NKAIN2: variants seen among roughly 807,000 people sequenced by gnomAD.
NKAIN2 encodes the protein sodium/potassium-transporting ATPase subunit beta-1-interacting protein 2.
NKAIN2 carries 14 observed loss-of-function variants against 32.6 expected under a neutral mutation model. The observed-to-expected ratio is 0.43, with a 90% CI of 0.28 to 0.67. The LOEUF (loss-of-function observed/expected upper bound fraction) is 0.67. Among genes scored for constraint, NKAIN2 ranks in the 30% least tolerant of loss-of-function variants. The pLI is 0.17. For missense variants in NKAIN2, 198 were observed against 258.3 expected, an observed-to-expected ratio of 0.77 and a Z score of 1.60; for synonymous variants, 80 against 87.2, an observed-to-expected ratio of 0.92 and a Z score of 0.46.
chr6:124,243,147 A>G (rs544558554), intron 1 of NKAIN2, among the ~76,000 whole-genome samples: 6 of 152,164 alleles, frequency 3.9e-5, no homozygotes, highest in Admixed American at 3.9e-4. Flanking sequence ...AGTAGGTTTC[A>G]AAACAATCAC....
In NKAIN2 at chr6:124,755,896, TA is replaced by T. The variant is rs535625079; in HGVS notation, c.475-35440del. Among the ~76,000 whole-genome samples, 239 of 152,312 alleles carry T rather than the reference TA, an allele frequency of 1.6e-3. 3 individuals are homozygous for T. The highest frequency in any genetic ancestry group is 5.3e-3 in the African/African-American group (220 of 41,586). ...GTTTAAAAAATTTTTTAAACATTTTTAAATGAAAATGTTAAATTTGATATAA... is the reference window on the plus strand; with the variant it reads ...GTTTAAAAAATTTTTTAAACATTTTTAATGAAAATGTTAAATTTGATATAA... On this transcript the variant is annotated intron_variant, in intron 4 of 6. Coordinates refer to ENST00000368417, the MANE Select transcript of NKAIN2 (RefSeq NM_001040214.3).
chr6:123,838,936 A>G (rs1774745012), intron 1 of NKAIN2, among the ~76,000 whole-genome samples: 3 of 152,202 alleles, frequency 2.0e-5, no homozygotes, highest in Admixed American at 2.0e-4. Context: ...GTTTTCTCGC[A>G]TATGGATAAT....
At chr6:124,116,523 G>T (rs2114980438) in intron 1 of NKAIN2, among the ~76,000 whole-genome samples, 1 of 152,068 alleles carries the variant, frequency 6.6e-6, no homozygotes, top group Middle Eastern at 3.4e-3. Context: ...TTACTTTAAT[G>T]CAGATTTTCT....
chr6:124,432,446 A>T (rs565864710), intron 3 of NKAIN2, among the ~76,000 whole-genome samples: 1 of 152,038 alleles, frequency 6.6e-6, no homozygotes, highest in Non-Finnish European at 1.5e-5. Flanking sequence ...CTCTATTTAA[A>T]ATTATAAAGC....
intron 4 of NKAIN2, among the ~76,000 whole-genome samples, chr6:124,668,806 A>G (rs781473): frequency 0.41 from 62,138 of 151,990 alleles, 13,920 homozygotes; most frequent in Admixed American, 0.5. Context: ...TAAAAATTAG[A>G]GGCAGGTTGT....
chr6:123,849,492 G>C (rs745602741), intron 1 of NKAIN2, among the ~76,000 whole-genome samples: 1 of 152,128 alleles, frequency 6.6e-6, no homozygotes, highest in Non-Finnish European at 1.5e-5. Context: ...TAGGAAGCCA[G>C]GGGGATAGAG....
intron 3 of NKAIN2, among the ~76,000 whole-genome samples, chr6:124,398,865 AT>A (rs745577827): frequency 6.6e-6 from 1 of 152,190 alleles, no homozygotes; most frequent in Non-Finnish European, 1.5e-5. Flanking sequence ...ATATTTGAAA[AT>A]TATCCCCATC....
At chr6:124,457,966 G>A (rs902037099) in intron 3 of NKAIN2, among the ~76,000 whole-genome samples, 2 of 151,928 alleles carry the variant, frequency 1.3e-5, no homozygotes, top group African/African-American at 4.8e-5. Context: ...AGATGCTAAA[G>A]AGATTGCTTT....
chr6:124,692,270 CTT>C (rs1472667288), intron 4 of NKAIN2, among the ~76,000 whole-genome samples: 2 of 152,240 alleles, frequency 1.3e-5, no homozygotes, highest in South Asian at 2.1e-4. Context: ...ACAAAAATAA[CTT>C]TGCTGTTTTT....
At chr6:124,279,515 A>G (rs1468895488) in intron 1 of NKAIN2, among the ~76,000 whole-genome samples, 1 of 116,632 alleles carries the variant, frequency 8.6e-6, no homozygotes, top group African/African-American at 3.3e-5. Flanking sequence ...CATCTCAAAA[A>G]AAAAAAAAAA....
chr6:124,700,942 T>C (rs1774751428), intron 4 of NKAIN2, among the ~76,000 whole-genome samples: 1 of 148,134 alleles, frequency 6.8e-6, no homozygotes, highest in African/African-American at 2.5e-5. Context: ...TGCGTGAATA[T>C]AGAAAATACA....
intron 1 of NKAIN2, among the ~76,000 whole-genome samples, chr6:124,077,289 T>C (rs1465800777): frequency 2.0e-5 from 3 of 152,214 alleles, no homozygotes; most frequent in Non-Finnish European, 4.4e-5. Context: ...TTTTCCATTA[T>C]TATTCTAATT....
chr6:124,516,201 A>G (rs1285304207), intron 3 of NKAIN2, among the ~76,000 whole-genome samples: 1 of 152,166 alleles, frequency 6.6e-6, no homozygotes, highest in African/African-American at 2.4e-5. Context: ...TAAGTGCTAT[A>G]AAAAGAGAAA....
At chr6:124,264,330 A>C (rs1794386634) in intron 1 of NKAIN2, among the ~76,000 whole-genome samples, 1 of 152,154 alleles carries the variant, frequency 6.6e-6, no homozygotes, top group Non-Finnish European at 1.5e-5. Context: ...TGCCTCTGTC[A>C]CTGCCCAGTC....
chr6:124,395,637 T>A (rs1773346273), intron 3 of NKAIN2, among the ~76,000 whole-genome samples: 1 of 152,168 alleles, frequency 6.6e-6, no homozygotes, highest in Non-Finnish European at 1.5e-5. Flanking sequence ...AATGTAATAT[T>A]AAATTCCTCT....
At chr6:123,975,373 A>G (rs1386611180) in intron 1 of NKAIN2, among the ~76,000 whole-genome samples, 1 of 152,224 alleles carries the variant, frequency 6.6e-6, no homozygotes, top group East Asian at 1.9e-4. Context: ...ATTGAATTAT[A>G]CAAAAACTGA....
chr6:124,001,069 G>C (rs978860242), intron 1 of NKAIN2, among the ~76,000 whole-genome samples: 1 of 152,010 alleles, frequency 6.6e-6, no homozygotes, highest in Non-Finnish European at 1.5e-5. Flanking sequence ...AGTGGAATTG[G>C]AATGTGAAAA....
intron 3 of NKAIN2, among the ~76,000 whole-genome samples, chr6:124,436,732 C>A (rs948963014): frequency 3.3e-5 from 5 of 152,186 alleles, no homozygotes; most frequent in Non-Finnish European, 7.3e-5. Flanking sequence ...GATCTCCTGT[C>A]TGGCCTCTCA....
intron 1 of NKAIN2, among the ~76,000 whole-genome samples, chr6:123,902,353 A>G (rs894355837): frequency 2.0e-5 from 3 of 152,140 alleles, no homozygotes; most frequent in African/African-American, 7.2e-5. Context: ...CACTGTCTAA[A>G]AAATCCAAAA....
Sources: allele counts gnomAD v4.1 joint callset (sites outside exome capture counted in the v4.1 genomes callset), GRCh38; gene constraint gnomAD v4.1.1; transcripts MANE v1.5; gene names NCBI Gene and HGNC (gene_info 2026-07-23, HGNC 2026-07-21).